Variants in SLF2 observed in about 807,000 individuals in gnomAD.
The protein encoded by SLF2 is SMC5/6 complex localization factor 2, also known as SMC5-SMC6 complex localization factor protein 2.
A neutral mutation model predicts 124.3 loss-of-function variants in SLF2; 68 were observed. The ratio of observed to expected loss-of-function variants is 0.55; its 90% CI spans 0.45 to 0.67. The LOEUF is 0.67. SLF2 is among the 30% of genes least tolerant of loss of function. The pLI, the probability that SLF2 is intolerant of heterozygous loss-of-function variation, is 0.00. For synonymous variants in SLF2, 480 were observed against 478.8 expected, an observed-to-expected ratio of 1.00 and a Z score of -0.03; for missense variants, 1,246 against 1,373.7, an observed-to-expected ratio of 0.91 and a Z score of 1.47.
intron 17 of SLF2, among the ~76,000 whole-genome samples, chr10:100,954,221 G>A (rs959084537): frequency 2.0e-5 from 3 of 152,126 alleles, no homozygotes; most frequent in Non-Finnish European, 4.4e-5. Context: ...TCATGCCACT[G>A]CCCTCCAGCC....
At chr10:100,959,642 T>C in intron 19 of SLF2, 146 bp downstream of exon 19, 3 of 1,301,338 alleles carry the variant, frequency 2.3e-6, no homozygotes, top group Non-Finnish European at 3.0e-6. Context: ...TAATACATGG[T>C]TTGTAATTTT....
chr10:100,960,278 C>G (rs1024994409), intron 19 of SLF2, among the ~76,000 whole-genome samples: 1 of 152,160 alleles, frequency 6.6e-6, no homozygotes, highest in Non-Finnish European at 1.5e-5. Context: ...TCAAATGAAA[C>G]ATTTGAAAAG....
Position 100,918,869 on chromosome 10 carries a change from C to A in SLF2, c.973+428C>A, listed in dbSNP as rs373737857. On this transcript the variant is annotated intron_variant, in intron 4 of 19. Transcript: ENST00000238961. Reference sequence around the variant, plus strand: ...AAACTCCTGAGCTCATGAGCCACCACACCTGACCTAGTGCATATAATTTGT... The same window carrying A: ...AAACTCCTGAGCTCATGAGCCACCAAACCTGACCTAGTGCATATAATTTGT... Among the ~76,000 whole-genome samples the A allele has an allele frequency of 1.4e-4, 22 of 152,134 alleles. No individual in the cohort carries two copies. The South Asian group carries it at 1.7e-3, about 12-fold the overall frequency.
chr10:100,947,716 A>G (rs762016983), intron 14 of SLF2, 44 bp from the exon 15 acceptor site: 8 of 1,367,570 alleles, frequency 5.8e-6, no homozygotes, highest in Non-Finnish European at 8.3e-6. Flanking sequence ...TTCAAGCAGT[A>G]TTAATTAAAA....
rs1554878164 is a variant in SLF2, at chr10:100,928,068, C to CGA, written c.2043-1240_2043-1239dup. Reference sequence around the variant, plus strand: ...CCCCACACACACACACACACACACACGAGAGAGAGACAGAGAGAGAGAGAG... The same window carrying CGA: ...CCCCACACACACACACACACACACACGAGAGAGAGAGACAGAGAGAGAGAGAG... On this transcript the variant is annotated intron_variant, in intron 6 of 19. Coordinates refer to ENST00000238961, the MANE Select transcript of SLF2 (RefSeq NM_018121.4). Among the ~76,000 whole-genome samples the CGA allele has an allele frequency of 4.5e-4, 27 of 59,566 alleles. 1 individual carries two copies. The highest frequency in any genetic ancestry group is 1.4e-3 in the East Asian group (5 of 3,472). 39.1% of individuals were successfully genotyped at this position (59,566 alleles called of 152,430 possible).
chr10:100,959,528 T>C (rs766477390), intron 19 of SLF2, 32 bp downstream of exon 19: 1 of 1,611,540 alleles, frequency 6.2e-7, no homozygotes, highest in South Asian at 1.1e-5. Flanking sequence ...TCATGTATTC[T>C]TAATAGTTTT....
At position 100,947,129 on chromosome 10, in the gene SLF2, C is replaced by T. The variant is rs769720741; in HGVS notation, c.3025C>T (p.Arg1009Cys). The T allele has an allele frequency of 1.2e-5, 19 of 1,546,962 alleles. No homozygotes were observed. The highest frequency in any genetic ancestry group is 1.7e-5 in the Non-Finnish European group (19 of 1,149,690). Residue 1009 changes from arginine to cysteine, a missense_variant, in exon 14 of 20, where the codon CGT becomes TGT. Physicochemically the swap from Arg to Cys is radical, Grantham distance 180 (BLOSUM62 -3). Around this residue, in one of 3 missense-constraint regions of SLF2, gnomAD observed 535 missense variants for 632.8 expected, o/e 0.85. Coordinates refer to ENST00000238961, the MANE Select transcript of SLF2 (RefSeq NM_018121.4). ...ACAGCTGGTCCCTAATTGGACATCA[C>T]GTGGAAGGTATTAAAAAGTGAAAAT... ...LVQLVPNWTSRGRQLRQCLSL... is the reference protein window; with the variant it reads ...LVQLVPNWTSCGRQLRQCLSL...
In SLF2 at chr10:100,931,030, T is replaced by C. The variant is rs955075833; in HGVS notation, c.2388T>C (p.Ala796=). 1.6e-5 allele frequency: 26 copies of C among 1,614,008 alleles called. No homozygotes were observed. The highest frequency in any genetic ancestry group is 2.1e-5 in the Non-Finnish European group (25 of 1,180,004). ...CAACACAAGGTTTCCTTACGTCTGC[T>C]TATCACTATGTCCAGTGTCCTGTCC... The part of the protein sequence containing the change: ...FLTTQGFLTS[A]YHYVQCPVPV... Residue 796 remains alanine, a synonymous_variant, in exon 9 of 20, where the codon GCT becomes GCC. Coordinates refer to ENST00000238961, the MANE Select transcript of SLF2 (RefSeq NM_018121.4).
At chr10:100,957,601 T>G (rs1425315413) in intron 18 of SLF2, among the ~76,000 whole-genome samples, 2 of 151,612 alleles carry the variant, frequency 1.3e-5, no homozygotes, top group Admixed American at 1.3e-4. Context: ...CCTCGTGATC[T>G]GCCTGCCTCG....
intron 11 of SLF2, among the ~76,000 whole-genome samples, chr10:100,939,045 C>G (rs1381737291): frequency 3.3e-5 from 5 of 151,816 alleles, no homozygotes; most frequent in Non-Finnish European, 5.9e-5. Context: ...ACAAGAGATA[C>G]AAAAATTGGA....
chr10:100,942,084 A>G (rs1030472198), intron 11 of SLF2, among the ~76,000 whole-genome samples: 1 of 152,140 alleles, frequency 6.6e-6, no homozygotes, highest in Non-Finnish European at 1.5e-5. Context: ...CATCAAATAT[A>G]TAGGTTTTCT....
At chr10:100,921,041 A>G (rs952918413) in intron 4 of SLF2, among the ~76,000 whole-genome samples, 4 of 152,240 alleles carry the variant, frequency 2.6e-5, no homozygotes, top group African/African-American at 9.6e-5. Context: ...AATGTACATA[A>G]TCACGCAATC....
intron 11 of SLF2, among the ~76,000 whole-genome samples, chr10:100,942,643 C>T (rs982677887): frequency 1.1e-4 from 17 of 152,138 alleles, no homozygotes; most frequent in African/African-American, 4.1e-4. Context: ...CTCAGCCTCC[C>T]GAGTAGCTGG....
chr10:100,955,289 G>A (rs1490782306), intron 17 of SLF2, among the ~76,000 whole-genome samples: 1 of 151,372 alleles, frequency 6.6e-6, no homozygotes, highest in Non-Finnish European at 1.5e-5. Context: ...TTTGCTATAA[G>A]AATTCCCATA....
At position 100,930,752 on chromosome 10, in the gene SLF2, T is replaced by C. The variant is rs184889943; in HGVS notation, c.2334-224T>C. ...CACTACCAGCAAATGTAGCTTTGTC[T>C]GCCAGTTAAATGTGGAGCCTAGCCA... On this transcript the variant is annotated intron_variant, in intron 8 of 19. Coordinates refer to ENST00000238961, the MANE Select transcript of SLF2 (RefSeq NM_018121.4). Among the ~76,000 whole-genome samples the C allele has an allele frequency of 3.9e-5, 6 of 152,334 alleles. No individual in the cohort carries two copies. In the East Asian group the frequency reaches 1.2e-3, roughly 29 times the overall value.
intron 7 of SLF2, 40 bp downstream of exon 7, chr10:100,929,479 T>A: frequency 1.3e-6 from 2 of 1,507,282 alleles, no homozygotes; most frequent in South Asian, 2.7e-5. Flanking sequence ...TTATTAAAGT[T>A]TTTACATTTT....
chr10:100,939,248 G>C (rs1005734607), intron 11 of SLF2, among the ~76,000 whole-genome samples: 2 of 152,200 alleles, frequency 1.3e-5, no homozygotes, highest in African/African-American at 2.4e-5. Context: ...GGCTGGGTGT[G>C]GTGGCTTACA....
At position 100,965,088 on chromosome 10, in the gene SLF2, AAT is replaced by A. The variant is rs1850485768; in HGVS notation, c.*3177_*3178del. On this transcript the variant is annotated 3_prime_UTR_variant, in exon 20 of 20. Transcript: ENST00000238961. This position sits in a 1 kb window ranked among gnomAD's most constrained non-coding sequence, Gnocchi z 4.1. Reference sequence around the variant, plus strand: ...TACTACATCTTGTTAAAGTCCTATGAATGTGTGTGTGTGTGTGCTATTAAAAC... The same window carrying A: ...TACTACATCTTGTTAAAGTCCTATGAGTGTGTGTGTGTGTGCTATTAAAAC... 6.8e-6 allele frequency: 1 copy of A among 146,990 alleles called. No homozygotes were observed. The highest frequency in any genetic ancestry group is 2.6e-5 in the African/African-American group (1 of 38,236). 9.1% of individuals were successfully genotyped at this position (146,990 alleles called of 1,614,324 possible).
intron 12 of SLF2, among the ~76,000 whole-genome samples, chr10:100,944,981 G>T (rs1441370537): frequency 6.6e-6 from 1 of 151,042 alleles, no homozygotes; most frequent in Non-Finnish European, 1.5e-5. Flanking sequence ...AGTAAGCCGA[G>T]ATCACACCAC....
Sources: gnomAD v4.1 joint callset for allele counts (sites outside exome capture counted in the v4.1 genomes callset) on GRCh38, gnomAD v4.1.1 for gene constraint, gnomAD v4.1.1 regional missense constraint, Gnocchi (gnomAD v3.1) non-coding constraint, MANE v1.5 for transcripts, NCBI Gene and HGNC (gene_info 2026-07-23, HGNC 2026-07-21) for gene names.